HOGA1: variants seen among roughly 807,000 people sequenced by gnomAD.
The protein encoded by HOGA1 is 4-hydroxy-2-oxoglutarate aldolase 1.
In HOGA1, 30 loss-of-function variants were observed where a neutral mutation model predicts 34.3. The ratio of observed to expected loss-of-function variants is 0.87; its 90% CI spans 0.65 to 1.19. HOGA1 has a LOEUF of 1.19. HOGA1 is among the 50% of genes most tolerant of loss of function. HOGA1 has a pLI of 0.00. For synonymous variants in HOGA1, 161 were observed against 174.0 expected (o/e 0.93, Z 0.59); for missense variants, 417 against 436.5 (o/e 0.96, Z 0.40).
intron 1 of HOGA1, chr10:97,590,386 C>T (rs1436980923): frequency 6.2e-7 from 1 of 1,614,040 alleles, no homozygotes; most frequent in Non-Finnish European, 8.5e-7. Context: ...CCAAGGACAT[C>T]AACCAGGAGG....
intron 6 of HOGA1, among the ~76,000 whole-genome samples, chr10:97,608,901 T>C (rs1466853506): frequency 6.6e-6 from 1 of 152,182 alleles, no homozygotes; most frequent in Non-Finnish European, 1.5e-5. Context: ...CTCATGGGCC[T>C]GGCTGCAGTC....
chr10:97,606,853 A>G (rs971585453), intron 6 of HOGA1, among the ~76,000 whole-genome samples: 3 of 152,130 alleles, frequency 2.0e-5, no homozygotes, highest in Non-Finnish European at 4.4e-5. Context: ...TGACTTCTTT[A>G]CTATATTGTC....
In HOGA1 at chr10:97,599,936, T is replaced by G. The variant is rs531340036; in HGVS notation, c.603+122T>G. On this transcript the variant is annotated intron_variant, in intron 4 of 6. Transcript: ENST00000370646. The stretch of plus-strand genomic sequence containing the variant: ...TTGGCTTCTGTGTGGATTCTCTCTG[T>G]CGTGCGGGCTCTCTGGGACTTTCTT... 4 of 1,525,108 alleles carry G rather than the reference T, an allele frequency of 2.6e-6. No homozygotes were observed. In the African/African-American group the frequency reaches 5.5e-5, roughly 21 times the overall value. The allele number at this position is 1,525,108 out of a possible 1,614,324, so 94.5% of individuals were successfully genotyped here.
In HOGA1 at chr10:97,611,617, G is replaced by GGAGGCACTGCGC. The variant is rs777828182; in HGVS notation, c.943_954dup (p.Glu315_Arg318dup). ...TGCAGGAGCTGAGCCCCGCTGAGGAGGAGGCACTGCGCATGGATTTCACCA... is the reference window on the plus strand; with the variant it reads ...TGCAGGAGCTGAGCCCCGCTGAGGAGGAGGCACTGCGCGAGGCACTGCGCATGGATTTCACCA... On this transcript the variant is annotated inframe_insertion, in exon 7 of 7. Coordinates refer to ENST00000370646, the MANE Select transcript of HOGA1 (RefSeq NM_138413.4). The GGAGGCACTGCGC allele has an allele frequency of 1.5e-5, 25 of 1,614,156 alleles. No homozygotes were observed. In the South Asian group the frequency reaches 2.7e-4, roughly 18 times the overall value.
At chr10:97,600,198 G>A in intron 5 of HOGA1, 35 bp downstream of exon 5, 4 of 1,541,766 alleles carry the variant, frequency 2.6e-6, no homozygotes, top group Non-Finnish European at 3.6e-6. Flanking sequence ...TGTCATGGGT[G>A]ACCAAGAGAT....
chr10:97,598,643 G>A, intron 1 of HOGA1, 132 bp from the exon 2 acceptor site: 1 of 1,154,036 alleles, frequency 8.7e-7, no homozygotes, highest in East Asian at 2.3e-5. Flanking sequence ...CATTGCAGCT[G>A]TGTGGGAACC....
chr10:97,597,245 TG>T (rs1024142704), intron 1 of HOGA1, among the ~76,000 whole-genome samples: 5 of 152,064 alleles, frequency 3.3e-5, no homozygotes, highest in Admixed American at 6.6e-5. Context: ...GGTCTCACTT[TG>T]TTACCCAAGG....
At chr10:97,591,035 C>A (rs1486663623) in intron 1 of HOGA1, 1 of 165,296 alleles carries the variant, frequency 6.0e-6, no homozygotes, top group Non-Finnish European at 1.4e-5. Flanking sequence ...GAGAAAAGGC[C>A]CCCGACCTGG....
intron 1 of HOGA1, among the ~76,000 whole-genome samples, chr10:97,591,408 T>C (rs1023623933): frequency 5.0e-4 from 76 of 152,132 alleles, no homozygotes; most frequent in African/African-American, 1.8e-3. Flanking sequence ...TTCTTGTTTG[T>C]TTAACTTAAT....
Position 97,597,388 on chromosome 10 carries a change from AT to A in HOGA1, c.212-1377del, listed in dbSNP as rs113111499. On this transcript the variant is annotated intron_variant, in intron 1 of 6. Coordinates refer to ENST00000370646, the MANE Select transcript of HOGA1 (RefSeq NM_138413.4). ...TACTCTGTGTTTGTAAACTACTGCC[AT>A]TTTTTTTTTCTTTAATGGAGTGGGA... 6.2e-4 allele frequency among the ~76,000 whole-genome samples: 92 copies of A among 148,920 alleles called. 2 individuals are homozygous for A. Among genetic ancestry groups the A allele is most frequent in the East Asian group, 3.7e-3 (19 of 5,072 alleles).
chr10:97,611,434 A>T (rs1461805151), intron 6 of HOGA1, 76 bp from the exon 7 acceptor site: 31 of 1,542,714 alleles, frequency 2.0e-5, no homozygotes, highest in African/African-American at 1.4e-5. Context: ...ATGTTCTGAA[A>T]GTGACAGATC....
rs534886813 is a variant in HOGA1 at position 97,611,768 on chromosome 10, C to G, written c.*109C>G. 1.5e-6 allele frequency: 2 copies of G among 1,347,712 alleles called. No individual in the cohort carries two copies. Among genetic ancestry groups the G allele is most frequent in the African/African-American group, 1.4e-5 (1 of 69,542 alleles). 83.5% of individuals were successfully genotyped at this position (1,347,712 alleles called of 1,614,324 possible). A position where few individuals can be genotyped will look rare whatever the true frequency, so the allele number is the denominator to read the frequency against. On this transcript the variant is annotated 3_prime_UTR_variant, in exon 7 of 7. Coordinates refer to ENST00000370646, the MANE Select transcript of HOGA1 (RefSeq NM_138413.4). The stretch of plus-strand genomic sequence containing the variant: ...ATGAGGGTGGCAGGCAGCGGGGAGC[C>G]GATAGAGGCTCCTTTGCCTGCTGTG...
rs1340968491 is a variant in HOGA1, at chr10:97,598,969, G to T, written c.340+66G>T. On this transcript the variant is annotated intron_variant, in intron 2 of 6. Transcript: ENST00000370646. ...GCAGGATCCAGGCTCCTAGGCCCTA[G>T]CTTGGGTCCTGTCTCCTTGTTCTGC... 4 of 1,609,664 alleles carry T rather than the reference G, an allele frequency of 2.5e-6. No individual in the cohort carries two copies. The Admixed American group carries it at 5.0e-5, about 20-fold the overall frequency.
intron 1 of HOGA1, chr10:97,589,848 C>G (rs1179910783): frequency 1.4e-6 from 2 of 1,437,160 alleles, no homozygotes; most frequent in Non-Finnish European, 1.9e-6. Flanking sequence ...CAGCAGCCAT[C>G]ATGCAAGGTG....
At chr10:97,604,184 A>C (rs1336646863) in intron 6 of HOGA1, among the ~76,000 whole-genome samples, 2 of 152,210 alleles carry the variant, frequency 1.3e-5, no homozygotes, top group East Asian at 3.8e-4. Context: ...CACATGGTAT[A>C]TAACTTTTGG....
chr10:97,600,284 C>G, intron 5 of HOGA1, 121 bp downstream of exon 5: 1 of 850,496 alleles, frequency 1.2e-6, no homozygotes. Context: ...TGCCAGCCTG[C>G]CCACTCTGAA....
At chr10:97,593,239 G>C (rs1283340584) in intron 1 of HOGA1, among the ~76,000 whole-genome samples, 6 of 152,114 alleles carry the variant, frequency 3.9e-5, no homozygotes, top group Admixed American at 1.3e-4. Context: ...ACTTTGGGAG[G>C]CTGAGGCAGG....
intron 1 of HOGA1, among the ~76,000 whole-genome samples, chr10:97,594,730 G>A (rs917841269): frequency 1.3e-5 from 2 of 151,924 alleles, no homozygotes; most frequent in Non-Finnish European, 2.9e-5. Flanking sequence ...GCCTCAAATA[G>A]TCCACCCGTC....
At chr10:97,591,882 A>G (rs2041028117) in intron 1 of HOGA1, among the ~76,000 whole-genome samples, 1 of 141,062 alleles carries the variant, frequency 7.1e-6, no homozygotes. Context: ...TTCATTGCCC[A>G]GGCTGGAGTA....
Sources: allele counts gnomAD v4.1 joint callset (sites outside exome capture counted in the v4.1 genomes callset), GRCh38; gene constraint gnomAD v4.1.1; transcripts MANE v1.5; gene names NCBI Gene and HGNC (gene_info 2026-07-23, HGNC 2026-07-21).